ANKRD12: variants seen among roughly 807,000 people sequenced by gnomAD.
ANKRD12 encodes the protein ankyrin repeat domain-containing protein 12.
A neutral mutation model predicts 183.4 loss-of-function variants in ANKRD12; 85 were observed. The observed-to-expected ratio is 0.46, with a 90% CI of 0.39 to 0.56. The LOEUF (loss-of-function observed/expected upper bound fraction) is 0.56. ANKRD12 is among the 20% of genes least tolerant of loss of function. ANKRD12 has a pLI of 0.00. For synonymous variants in ANKRD12, 914 were observed against 800.2 expected (o/e 1.14, Z -2.40); for missense variants, 2,405 against 2,357.1 (o/e 1.02, Z -0.42).
intron 8 of ANKRD12, 64 bp from the exon 9 acceptor site, chr18:9,254,147 A>C: frequency 6.9e-7 from 1 of 1,439,322 alleles, no homozygotes; most frequent in East Asian, 2.4e-5. Context: ...TCAGAAAAAA[A>C]AATTATTTTT....
In ANKRD12 at chr18:9,202,573, C is replaced by T. The variant is rs368763379; in HGVS notation, c.236-1903C>T. On this transcript the variant is annotated intron_variant, in intron 3 of 12. Coordinates refer to ENST00000262126, the MANE Select transcript of ANKRD12 (RefSeq NM_015208.5). ...TATTTTTCTCTTATTTCCTTGCAAC[C>T]CAAGCAAAGTATTAACTTAAAAAGA... 7.9e-5 allele frequency among the ~76,000 whole-genome samples: 12 copies of T among 152,110 alleles called. No homozygotes were observed. In the East Asian group the frequency reaches 2.1e-3, roughly 27 times the overall value.
intron 2 of ANKRD12, among the ~76,000 whole-genome samples, chr18:9,186,194 G>A (rs1205977646): frequency 1.4e-5 from 2 of 147,546 alleles, no homozygotes; most frequent in East Asian, 4.0e-4. Flanking sequence ...AGGCTGGAGT[G>A]CAGTGGCGCG....
intron 8 of ANKRD12, among the ~76,000 whole-genome samples, chr18:9,253,985 C>G (rs1208774900): frequency 2.6e-5 from 4 of 152,126 alleles, no homozygotes; most frequent in African/African-American, 9.7e-5. Context: ...TTAGAAGTGT[C>G]AAAAGGAGCC....
At chr18:9,157,579 G>GTATATATATATATATATATATATATA (rs1337373504) in intron 1 of ANKRD12, among the ~76,000 whole-genome samples, 2 of 114,226 alleles carry the variant, frequency 1.8e-5, no homozygotes, top group Non-Finnish European at 3.4e-5. Context: ...GTGTGTGTGT[G>GTATATATATATATATATATATATATA]TGTGTGTATA....
chr18:9,225,065 C>T (rs955850794), intron 8 of ANKRD12, among the ~76,000 whole-genome samples: 1 of 151,816 alleles, frequency 6.6e-6, no homozygotes, highest in Non-Finnish European at 1.5e-5. Context: ...AAAAAAACAC[C>T]TCTTCAGTAA....
intron 8 of ANKRD12, among the ~76,000 whole-genome samples, chr18:9,240,635 C>G (rs75362571): frequency 0.014 from 2,166 of 152,300 alleles, 54 homozygotes; most frequent in African/African-American, 0.05. Flanking sequence ...GTCAAAAGAG[C>G]TATTCACCAT....
At chr18:9,197,648 T>C (rs1356920454) in intron 3 of ANKRD12, among the ~76,000 whole-genome samples, 2 of 152,246 alleles carry the variant, frequency 1.3e-5, no homozygotes, top group Non-Finnish European at 2.9e-5. Flanking sequence ...CTGTACTCTT[T>C]AAGCTAGAGA....
intron 1 of ANKRD12, among the ~76,000 whole-genome samples, chr18:9,167,672 A>G (rs1406694302): frequency 4.6e-5 from 7 of 152,188 alleles, no homozygotes; most frequent in Non-Finnish European, 1.0e-4. Flanking sequence ...AACAGGGACA[A>G]TTTGACTTCC....
At chr18:9,247,237 A>C (rs1381064098) in intron 8 of ANKRD12, among the ~76,000 whole-genome samples, 1 of 151,828 alleles carries the variant, frequency 6.6e-6, no homozygotes, top group African/African-American at 2.4e-5. Context: ...CCAACACTTT[A>C]GTAGGCAGAG....
intron 8 of ANKRD12, chr18:9,235,644 G>T (rs1219915596): frequency 2.2e-6 from 1 of 456,262 alleles, no homozygotes. Context: ...TCAGGATCCA[G>T]CTACCAATTT....
intron 9 of ANKRD12, among the ~76,000 whole-genome samples, chr18:9,262,090 C>T (rs1012175767): frequency 3.3e-5 from 5 of 152,182 alleles, no homozygotes; most frequent in African/African-American, 1.2e-4. Context: ...TGTGATTCAA[C>T]TGATTGAGTC....
At chr18:9,201,439 G>A (rs2035160129) in intron 3 of ANKRD12, among the ~76,000 whole-genome samples, 2 of 152,208 alleles carry the variant, frequency 1.3e-5, no homozygotes, top group African/African-American at 4.8e-5. Flanking sequence ...CAATTCTTTT[G>A]TTATGAAAAA....
intron 8 of ANKRD12, among the ~76,000 whole-genome samples, chr18:9,247,897 C>T (rs1013808743): frequency 1.3e-5 from 2 of 152,136 alleles, no homozygotes; most frequent in Non-Finnish European, 2.9e-5. Flanking sequence ...AGCGATTCTC[C>T]TGCCTTAGCC....
At position 9,196,947 on chromosome 18, in the gene ANKRD12, A is replaced by G. The variant is rs978347785; in HGVS notation, c.235+1249A>G. On this transcript the variant is annotated intron_variant, in intron 3 of 12. Transcript: ENST00000262126. ...TATGTGCCTTTGGGATAGCTATTTC[A>G]GATTGAACTCTTCTCGCATATTGTT... Among the ~76,000 whole-genome samples the G allele has an allele frequency of 2.0e-5, 3 of 152,064 alleles. No homozygotes were observed. The East Asian group carries it at 5.8e-4, about 29-fold the overall frequency.
At chr18:9,279,690 TAA>T (rs61228777) in intron 12 of ANKRD12, 46 bp downstream of exon 12, 1,517 of 819,442 alleles carry the variant, frequency 1.9e-3, no homozygotes, top group South Asian at 2.7e-3. Context: ...TCCCCCTTCT[TAA>T]AAAAAAAAAA....
intron 2 of ANKRD12, among the ~76,000 whole-genome samples, chr18:9,184,740 A>AT (rs1249308836): frequency 6.6e-6 from 1 of 152,232 alleles, no homozygotes; most frequent in East Asian, 1.9e-4. Context: ...AAAGTATACA[A>AT]TTCAGTTGTT....
At chr18:9,197,257 T>C (rs2034887027) in intron 3 of ANKRD12, among the ~76,000 whole-genome samples, 2 of 152,188 alleles carry the variant, frequency 1.3e-5, no homozygotes, top group African/African-American at 2.4e-5. Context: ...ATGTCTAAAA[T>C]TGGGTTATAT....
intron 8 of ANKRD12, among the ~76,000 whole-genome samples, chr18:9,252,272 C>T (rs930665305): frequency 1.3e-5 from 2 of 152,122 alleles, no homozygotes; most frequent in African/African-American, 4.8e-5. Flanking sequence ...AAGTGGTCTG[C>T]AAGTGAAATG....
intron 7 of ANKRD12, among the ~76,000 whole-genome samples, chr18:9,219,647 C>G (rs1343880752): frequency 1.3e-5 from 2 of 151,704 alleles, no homozygotes; most frequent in African/African-American, 4.8e-5. Flanking sequence ...AAAAACTATT[C>G]TTAGCTGGCA....
Sources: gnomAD v4.1 joint callset for allele counts (sites outside exome capture counted in the v4.1 genomes callset) on GRCh38, gnomAD v4.1.1 for gene constraint, MANE v1.5 for transcripts, NCBI Gene and HGNC (gene_info 2026-07-23, HGNC 2026-07-21) for gene names.